HK2: variants seen among roughly 807,000 people sequenced by gnomAD.
The protein encoded by HK2 is hexokinase-2.
HK2 carries 42 observed loss-of-function variants against 92.9 expected under a neutral mutation model. The ratio of observed to expected loss-of-function variants is 0.45; its 90% CI spans 0.35 to 0.58. HK2 has a LOEUF of 0.58. Among genes scored for constraint, HK2 ranks in the 20% least tolerant of loss-of-function variants. The pLI is 0.00. For synonymous variants in HK2, 422 were observed against 468.0 expected, an observed-to-expected ratio of 0.90 and a Z score of 1.27; for missense variants, 978 against 1,245.1, an observed-to-expected ratio of 0.79 and a Z score of 3.23.
chr2:74,838,537 ATTT>A (rs1278313162), intron 1 of HK2, among the ~76,000 whole-genome samples: 2 of 126,636 alleles, frequency 1.6e-5, no homozygotes, highest in Admixed American at 8.2e-5. Context: ...GATTCTTTCT[ATTT>A]TTTTTTTTTT....
At chr2:74,859,972 A>T (rs1688784501) in intron 2 of HK2, among the ~76,000 whole-genome samples, 1 of 152,252 alleles carries the variant, frequency 6.6e-6, no homozygotes, top group Non-Finnish European at 1.5e-5. Context: ...TATACATAAT[A>T]GAATACTGTT....
chr2:74,837,591 C>T (rs1180164037), intron 1 of HK2, among the ~76,000 whole-genome samples: 2 of 152,078 alleles, frequency 1.3e-5, no homozygotes, highest in African/African-American at 2.4e-5. Context: ...CCCGCTTCTA[C>T]CCCCCAGCTT....
At chr2:74,866,276 C>T (rs1688947051) in intron 2 of HK2, among the ~76,000 whole-genome samples, 1 of 152,198 alleles carries the variant, frequency 6.6e-6, no homozygotes, top group Non-Finnish European at 1.5e-5. Flanking sequence ...TCCCTGACCT[C>T]TGACCCATTC....
At chr2:74,870,325 A>AT (rs1468509553) in intron 3 of HK2, among the ~76,000 whole-genome samples, 79 of 152,222 alleles carry the variant, frequency 5.2e-4, no homozygotes, top group African/African-American at 1.9e-3. Flanking sequence ...AAAAATTCTA[A>AT]TTAATTGACA....
intron 1 of HK2, among the ~76,000 whole-genome samples, chr2:74,840,214 C>T (rs1238195378): frequency 2.0e-5 from 3 of 151,186 alleles, no homozygotes; most frequent in African/African-American, 7.3e-5. Flanking sequence ...GCCTAGGCCT[C>T]CCAAAGTACT....
At chr2:74,880,048 C>T (rs907300454) in intron 9 of HK2, among the ~76,000 whole-genome samples, 2 of 152,170 alleles carry the variant, frequency 1.3e-5, no homozygotes, top group East Asian at 1.9e-4. Context: ...CTTTTCCTTT[C>T]ATTGGCGGGG....
chr2:74,889,186 G>A (rs746349789), intron 16 of HK2, 59 bp from the exon 17 acceptor site: 1 of 1,413,110 alleles, frequency 7.1e-7, no homozygotes, highest in Non-Finnish European at 9.9e-7. Flanking sequence ...CCCTGGTGTG[G>A]TAGGCTACCA....
rs776524733 is a variant in HK2 at position 74,881,826 on chromosome 2, C to A, written c.1686C>A (p.Ile562=). 1 of 1,614,180 alleles carries A rather than the reference C, an allele frequency of 6.2e-7. No individual in the cohort carries two copies. Among genetic ancestry groups the A allele is most frequent in the Non-Finnish European group, 8.5e-7 (1 of 1,180,030 alleles). The part of the protein sequence containing the change: ...GVEMHNKIYA[I]PQEVMHGTGD... ...AGATGCACAACAAGATCTACGCCAT[C>A]CCGCAGGAGGTCATGCACGGCACCG... Residue 562 remains isoleucine, a synonymous_variant, in exon 11 of 18, where the codon ATC becomes ATA. Transcript: ENST00000290573.
intron 12 of HK2, among the ~76,000 whole-genome samples, chr2:74,884,245 A>C (rs1003842421): frequency 6.6e-6 from 1 of 152,220 alleles, no homozygotes; most frequent in Admixed American, 6.5e-5. Flanking sequence ...TGTTAGGTCT[A>C]GAGCCGTAAA....
intron 1 of HK2, among the ~76,000 whole-genome samples, chr2:74,845,569 C>T (rs1056910103): frequency 2.0e-5 from 3 of 152,230 alleles, no homozygotes; most frequent in East Asian, 1.9e-4. Context: ...GACTCACAAC[C>T]GCTGCAACAG....
At position 74,886,693 on chromosome 2, in the gene HK2, C is replaced by CCCAA; in HGVS notation, c.2219+21_2219+22insCAAC. On this transcript the variant is annotated intron_variant, in intron 15 of 17. Coordinates refer to ENST00000290573, the MANE Select transcript of HK2 (RefSeq NM_000189.5). ...GCAGAGGTAGGCACCCAACTGGGGC[C>CCCAA]CTGTTAAGTGTATCCCAGGACTGGA... The CCCAA allele has an allele frequency of 6.2e-7, 1 of 1,612,890 alleles. No homozygotes were observed. The highest frequency in any genetic ancestry group is 8.5e-7 in the Non-Finnish European group (1 of 1,179,262).
intron 15 of HK2, 129 bp from the exon 16 acceptor site, chr2:74,887,774 C>T (rs1223393491): frequency 3.6e-6 from 3 of 835,052 alleles, no homozygotes; most frequent in Non-Finnish European, 6.2e-6. Flanking sequence ...GTAGCAATTC[C>T]TTTCCCATCA....
rs928253061 is a variant in HK2, at chr2:74,881,864, GCAGGGCGGCGCCTT to G, written c.1719+10_1719+23del. 3.1e-6 allele frequency: 5 copies of G among 1,613,832 alleles called. No homozygotes were observed. Among genetic ancestry groups the G allele is most frequent in the Non-Finnish European group, 4.2e-6 (5 of 1,179,856 alleles). On this transcript the variant is annotated splice_donor_region_variant and intron_variant, in intron 11 of 17. Coordinates refer to ENST00000290573, the MANE Select transcript of HK2 (RefSeq NM_000189.5). ...ATGCACGGCACCGGGGACGAGGTGA[GCAGGGCGGCGCCTT>G]CAGGAGGGGGCCCCTGGTGGACGTC... is the stretch of plus-strand genomic sequence containing the variant.
intron 4 of HK2, among the ~76,000 whole-genome samples, 156 bp downstream of exon 4, chr2:74,872,575 G>A (rs185371448): frequency 9.3e-5 from 13 of 140,300 alleles, no homozygotes; most frequent in East Asian, 4.9e-4. Context: ...TCGATGGGGG[G>A]GCTGGTGAAG....
At chr2:74,877,429 C>A in intron 8 of HK2, 108 bp downstream of exon 8, 1 of 1,264,556 alleles carries the variant, frequency 7.9e-7, no homozygotes, top group Non-Finnish European at 1.2e-6. Flanking sequence ...GTATAGACTG[C>A]AAGAGGGTCT....
chr2:74,881,677 C>T, intron 10 of HK2, 34 bp from the exon 11 acceptor site: 1 of 1,612,746 alleles, frequency 6.2e-7, no homozygotes, highest in Non-Finnish European at 8.5e-7. Flanking sequence ...CATGTTCTGC[C>T]CCAACTTATC....
chr2:74,875,323 T>A (rs912846372), intron 7 of HK2, among the ~76,000 whole-genome samples: 1 of 132,846 alleles, frequency 7.5e-6, no homozygotes, highest in Non-Finnish European at 1.6e-5. Context: ...GAGTCCTTGC[T>A]TTCGTTTTTT....
chr2:74,877,241 G>A lies in HK2; in HGVS notation c.951G>A (p.Glu317=), dbSNP rs565854734. 1.9e-6 allele frequency: 3 copies of A among 1,614,192 alleles called. No individual in the cohort carries two copies. Among genetic ancestry groups the A allele is most frequent in the Admixed American group, 3.3e-5 (2 of 60,026 alleles). The change falls in exon 8 of 18, where the codon GAG becomes GAA. Residue 317 remains glutamate (E), a synonymous_variant. Coordinates refer to ENST00000290573, the MANE Select transcript of HK2 (RefSeq NM_000189.5). ...RLILVKMAKE[E]LLFGGKLSPE... is the part of the protein sequence containing the mutation. The stretch of plus-strand genomic sequence containing the variant: ...TCCTGGTGAAGATGGCCAAGGAGGA[G>A]CTGCTCTTTGGGGGGAAGCTCAGCC...
intron 10 of HK2, 49 bp downstream of exon 10, chr2:74,880,618 G>A: frequency 6.3e-7 from 1 of 1,575,420 alleles, no homozygotes; most frequent in Non-Finnish European, 8.7e-7. Context: ...CTTTGTCCTG[G>A]TGTTGATACC....
Sources: allele counts gnomAD v4.1 joint callset (sites outside exome capture counted in the v4.1 genomes callset), GRCh38; gene constraint gnomAD v4.1.1; transcripts MANE v1.5; gene names NCBI Gene and HGNC (gene_info 2026-07-23, HGNC 2026-07-21).